Variants in RAB11B observed in about 807,000 individuals in gnomAD.
RAB11B encodes RAB11B, member RAS oncogene family.
Under a neutral mutation model 23.7 loss-of-function variants are expected in RAB11B, and 7 were observed. The observed-to-expected ratio is 0.29, with a 90% CI of 0.17 to 0.55. The LOEUF (loss-of-function observed/expected upper bound fraction) is 0.55, where lower values mean the gene tolerates loss of function less well. RAB11B is among the 20% of genes least tolerant of loss of function. The probability of loss-of-function intolerance (pLI) is 0.93; values close to 1 mark genes in which losing one functional copy is unlikely to be tolerated. For missense variants in RAB11B, 189 were observed against 320.0 expected (o/e 0.59, Z 3.12); for synonymous variants, 138 against 132.0 (o/e 1.05, Z -0.31).
intron 1 of RAB11B, among the ~76,000 whole-genome samples, chr19:8,395,065 C>G (rs1035328140): frequency 2.0e-5 from 3 of 152,194 alleles, no homozygotes; most frequent in African/African-American, 7.2e-5. Context: ...TTCCTGAGGA[C>G]GTGAGAACTG....
At chr19:8,401,284 A>G (rs1230587028) in intron 2 of RAB11B, among the ~76,000 whole-genome samples, 1 of 146,198 alleles carries the variant, frequency 6.8e-6, no homozygotes, top group Non-Finnish European at 1.5e-5. Flanking sequence ...GTTTCACCGC[A>G]TTAGCCAGGA....
At chr19:8,402,724 T>C (rs1312613178) in intron 4 of RAB11B, 159 bp downstream of exon 4, 2 of 628,700 alleles carry the variant, frequency 3.2e-6, no homozygotes, top group Non-Finnish European at 5.5e-6. Context: ...GTGTGGTGGC[T>C]CGATCTCAGC....
chr19:8,394,170 C>G (rs1971379706), intron 1 of RAB11B, among the ~76,000 whole-genome samples: 1 of 152,184 alleles, frequency 6.6e-6, no homozygotes. Context: ...GCAGCTCAGC[C>G]TCTTTGCCAT....
rs908982905 is a variant in RAB11B at position 8,396,936 on chromosome 19, C to G, written c.41-2927C>G. ...CCGCACAGACAATACCTTCCAGGGT[C>G]TGAGAGTCTGGAATGGAATCGCCCA... is the stretch of plus-strand genomic sequence containing the variant. On this transcript the variant is annotated intron_variant, in intron 1 of 4. Coordinates refer to ENST00000328024, the MANE Select transcript of RAB11B (RefSeq NM_004218.4). This position sits in a 1 kb window ranked among gnomAD's most constrained non-coding sequence, Gnocchi z 5.0. Among the ~76,000 whole-genome samples, 1 of 152,178 alleles carries G rather than the reference C, an allele frequency of 6.6e-6. No individual in the cohort carries two copies. The highest frequency in any genetic ancestry group is 1.5e-5 in the Non-Finnish European group (1 of 68,026).
Position 8,402,260 on chromosome 19 carries a change from C to A in RAB11B, c.411C>A (p.Asp137Glu). The A allele has an allele frequency of 6.4e-7, 1 of 1,558,942 alleles. No homozygotes were observed. Among genetic ancestry groups the A allele is most frequent in the Non-Finnish European group, 8.7e-7 (1 of 1,151,940 alleles). ...DLRHLRAVPT[D>E]EARAFAEKNN... Reference sequence around the variant, plus strand: ...GCCACCTGCGGGCTGTGCCCACTGACGAGGCCCGCGCCTTCGCAGGTGAGC... The same window carrying A: ...GCCACCTGCGGGCTGTGCCCACTGAAGAGGCCCGCGCCTTCGCAGGTGAGC... Residue 137 changes from aspartate to glutamate, a missense_variant, in exon 3 of 5, where the codon GAC becomes GAA. By Grantham distance (45) the Asp-to-Glu change is conservative (BLOSUM62 2). This residue lies in a region of RAB11B where 122 missense variants were observed against 170.8 expected (regional missense o/e 0.71). Coordinates refer to ENST00000328024, the MANE Select transcript of RAB11B (RefSeq NM_004218.4).
chr19:8,401,864 C>G (rs1032693151), intron 2 of RAB11B, among the ~76,000 whole-genome samples: 13 of 152,218 alleles, frequency 8.5e-5, no homozygotes, highest in Non-Finnish European at 1.9e-4. Flanking sequence ...TCTTCTATTT[C>G]CAGCTCCCAA....
intron 4 of RAB11B, 37 bp from the exon 5 acceptor site, chr19:8,403,376 C>G (rs1555691091): frequency 1.9e-6 from 3 of 1,584,672 alleles, no homozygotes; most frequent in Non-Finnish European, 2.6e-6. Context: ...AGGGCACGTG[C>G]TGGCTCACCC....
At chr19:8,392,794 G>A (rs1184383474) in intron 1 of RAB11B, among the ~76,000 whole-genome samples, 1 of 131,448 alleles carries the variant, frequency 7.6e-6, no homozygotes, top group Admixed American at 9.1e-5. Flanking sequence ...GGGTTCAAAC[G>A]ATTCTCCTGC....
At chr19:8,401,995 C>T (rs1971441270) in intron 2 of RAB11B, 91 bp from the exon 3 acceptor site, 4 of 1,372,224 alleles carry the variant, frequency 2.9e-6, no homozygotes, top group African/African-American at 1.5e-5. Flanking sequence ...CTGGACGACC[C>T]ACCCTGGGCG....
At position 8,401,108 on chromosome 19, in the gene RAB11B, TCTCA is replaced by T. The variant is rs1243320038; in HGVS notation, c.237-974_237-971del. 3.9e-5 allele frequency among the ~76,000 whole-genome samples: 6 copies of T among 152,008 alleles called. No individual in the cohort carries two copies. In the East Asian group the frequency reaches 1.2e-3, roughly 29 times the overall value. On this transcript the variant is annotated intron_variant, in intron 2 of 4. Transcript: ENST00000328024. Reference sequence around the variant, plus strand: ...TTTAGTTTTAGTTTTTGAGACAGAGTCTCACTCTGTCGCCCAGGCTGGAGTGCAG... The same window carrying T: ...TTTAGTTTTAGTTTTTGAGACAGAGTCTCTGTCGCCCAGGCTGGAGTGCAG...
At chr19:8,390,797 G>A (rs888214784) in intron 1 of RAB11B, 15 of 260,892 alleles carry the variant, frequency 5.7e-5, no homozygotes, top group Middle Eastern at 1.1e-3. Flanking sequence ...GGCCGGGCTG[G>A]GCTGAAAGCG....
intron 1 of RAB11B, among the ~76,000 whole-genome samples, chr19:8,392,432 T>C (rs1271896073): frequency 2.0e-5 from 3 of 151,040 alleles, no homozygotes; most frequent in Admixed American, 6.6e-5. Context: ...TTCTGCGGCA[T>C]CTGGCATTTG....
chr19:8,401,130 G>C (rs1330034420), intron 2 of RAB11B, among the ~76,000 whole-genome samples: 1 of 151,864 alleles, frequency 6.6e-6, no homozygotes, highest in African/African-American at 2.4e-5. Flanking sequence ...GCCCAGGCTG[G>C]AGTGCAGTGG....
At position 8,390,431 on chromosome 19, in the gene RAB11B, C is replaced by G. The variant is rs763624059; in HGVS notation, c.15C>G (p.Asp5Glu). The change falls in exon 1 of 5, where the codon GAC becomes GAG. Residue 5 changes from aspartate to glutamate, a missense_variant. Coordinates refer to ENST00000328024, the MANE Select transcript of RAB11B (RefSeq NM_004218.4). MGTR[D>E]DEYDYLFKVV... ...GCGCCAGGACAATGGGGACCCGGGA[C>G]GACGAGTACGACTACCTATTCAAAG... 3.3e-6 allele frequency: 5 copies of G among 1,522,276 alleles called. No homozygotes were observed. Among genetic ancestry groups the G allele is most frequent in the Middle Eastern group, 1.7e-4 (1 of 5,778 alleles). The allele number at this position is 1,522,276 out of a possible 1,614,324, so 94.3% of individuals were successfully genotyped here.
rs776881402 is a variant in RAB11B, at chr19:8,390,425, C to T, written c.9C>T (p.Thr3=). Residue 3 remains threonine, a synonymous_variant, in exon 1 of 5, where the codon ACC becomes ACT. Transcript: ENST00000328024. ...CCGGAAGCGCCAGGACAATGGGGAC[C>T]CGGGACGACGAGTACGACTACCTAT... is the stretch of plus-strand genomic sequence containing the variant. MG[T]RDDEYDYLFK... is the part of the protein sequence containing the mutation. 1 of 1,527,014 alleles carries T rather than the reference C, an allele frequency of 6.5e-7. No individual in the cohort carries two copies. Among genetic ancestry groups the T allele is most frequent in the Non-Finnish European group, 8.8e-7 (1 of 1,141,644 alleles). The allele number at this position is 1,527,014 out of a possible 1,614,324, so 94.6% of individuals were successfully genotyped here. A position where few individuals can be genotyped will look rare whatever the true frequency, so the allele number is the denominator to read the frequency against.
intron 1 of RAB11B, among the ~76,000 whole-genome samples, chr19:8,391,581 C>A (rs896648161): frequency 2.0e-5 from 3 of 152,220 alleles, no homozygotes; most frequent in Non-Finnish European, 4.4e-5. Flanking sequence ...TAGTGGTCTG[C>A]CCTGGTTGCT....
At chr19:8,394,220 G>A (rs1035799217) in intron 1 of RAB11B, among the ~76,000 whole-genome samples, 8 of 152,144 alleles carry the variant, frequency 5.3e-5, no homozygotes, top group African/African-American at 1.9e-4. Flanking sequence ...CAGTGGCTTA[G>A]TGTCAGCTCA....
At position 8,396,285 on chromosome 19, in the gene RAB11B, G is replaced by T. The variant is rs193059001; in HGVS notation, c.41-3578G>T. On this transcript the variant is annotated intron_variant, in intron 1 of 4. Transcript: ENST00000328024. This position sits in a 1 kb window ranked among gnomAD's most constrained non-coding sequence, Gnocchi z 5.0. ...GGCATCCTCTAGGTATGGGGCAGGC[G>T]GCATGCGTGGGAGGCTCTGCCAGCC... is the stretch of plus-strand genomic sequence containing the variant. Among the ~76,000 whole-genome samples, 1 of 152,192 alleles carries T rather than the reference G, an allele frequency of 6.6e-6. No individual in the cohort carries two copies. Among genetic ancestry groups the T allele is most frequent in the African/African-American group, 2.4e-5 (1 of 41,444 alleles).
chr19:8,399,923 A>G lies in RAB11B; in HGVS notation c.101A>G (p.Asn34Ser), dbSNP rs770191495. 6.2e-7 allele frequency: 1 copy of G among 1,614,184 alleles called. No homozygotes were observed. Among genetic ancestry groups the G allele is most frequent in the Non-Finnish European group, 8.5e-7 (1 of 1,180,010 alleles). The change falls in exon 2 of 5, where the codon AAC becomes AGC. Residue 34 changes from asparagine (N) to serine (S), a missense_variant. Asn to Ser is a conservative substitution (Grantham distance 46). Transcript: ENST00000328024. ...AACCTGCTGTCGCGCTTCACCCGCA[A>G]CGAGTTCAACCTGGAGAGCAAGAGC... ...KSNLLSRFTRNEFNLESKSTI... is the reference protein window; with the variant it reads ...KSNLLSRFTRSEFNLESKSTI...
Sources: allele counts gnomAD v4.1 joint callset (sites outside exome capture counted in the v4.1 genomes callset), GRCh38; gene constraint gnomAD v4.1.1; regional missense constraint gnomAD v4.1.1; non-coding constraint Gnocchi (gnomAD v3.1); transcripts MANE v1.5; gene names NCBI Gene and HGNC (gene_info 2026-07-23, HGNC 2026-07-21).